Variants in KCTD2 observed in about 807,000 individuals in gnomAD.
KCTD2 encodes the protein BTB/POZ domain-containing protein KCTD2.
KCTD2 carries 18 observed loss-of-function variants against 27.9 expected under a neutral mutation model. The observed-to-expected ratio is 0.64, with a 90% confidence interval of 0.45 to 0.96. The LOEUF is 0.96. Ranked by LOEUF, KCTD2 falls within the 40% of genes least tolerant of loss-of-function variation. The pLI, the probability that KCTD2 is intolerant of heterozygous loss-of-function variation, is 0.00. For missense variants in KCTD2, 280 were observed against 348.0 expected (o/e 0.80, Z 1.56); for synonymous variants, 175 against 148.4 (o/e 1.18, Z -1.30).
chr17:75,036,194 C>T, intron 3 of KCTD2: 1 of 312,416 alleles, frequency 3.2e-6, no homozygotes, highest in South Asian at 2.3e-5. Flanking sequence ...GTTGAGATTA[C>T]AGGCGTGAGC....
At chr17:75,062,699 A>AC (rs1555642380) in intron 5 of KCTD2, among the ~76,000 whole-genome samples, 2 of 115,990 alleles carry the variant, frequency 1.7e-5, no homozygotes, top group Non-Finnish European at 3.7e-5. Flanking sequence ...CCTCACCCCC[A>AC]ACACACACAC....
At chr17:75,040,311 G>T in intron 3 of KCTD2, 1 of 872,064 alleles carries the variant, frequency 1.1e-6, no homozygotes, top group Non-Finnish European at 1.9e-6. Flanking sequence ...GTCCCAAGCG[G>T]AAACGAATAC....
In KCTD2 at chr17:75,047,433, A is replaced by C; in HGVS notation, c.183A>C (p.Pro61=). The stretch of plus-strand genomic sequence containing the variant: ...AGCCGCTGGAGCCGGGTCCCGGACC[A>C]CCCGAGCGGGCAGGGGGCGGCGGCG... The part of the protein sequence containing the change: ...VAQPLEPGPG[P]PERAGGGGAA... Residue 61 remains proline (P), a synonymous_variant, in exon 1 of 6, where the codon CCA becomes CCC. Coordinates refer to ENST00000322444, the MANE Select transcript of KCTD2 (RefSeq NM_015353.3). 1 of 1,435,398 alleles carries C rather than the reference A, an allele frequency of 7.0e-7. No homozygotes were observed. Among genetic ancestry groups the C allele is most frequent in the South Asian group, 1.4e-5 (1 of 70,802 alleles). The allele number at this position is 1,435,398 out of a possible 1,614,324, so 88.9% of individuals were successfully genotyped here. A position where few individuals can be genotyped will look rare whatever the true frequency, so the allele number is the denominator to read the frequency against.
intron 3 of KCTD2, chr17:75,039,315 TC>T (rs757278265): frequency 6.4e-7 from 1 of 1,569,246 alleles, no homozygotes; most frequent in Admixed American, 1.7e-5. Flanking sequence ...CAGGCTGCAT[TC>T]TACCCCAGCA....
At chr17:75,042,100 T>G (rs2073167071) in intron 3 of KCTD2, 2 of 1,223,556 alleles carry the variant, frequency 1.6e-6, no homozygotes, top group East Asian at 4.8e-5. Flanking sequence ...GCTGTCATGC[T>G]GTGTATGTAA....
intron 3 of KCTD2, among the ~76,000 whole-genome samples, chr17:75,058,553 A>G (rs548726955): frequency 6.6e-6 from 1 of 152,086 alleles, no homozygotes; most frequent in South Asian, 2.1e-4. Flanking sequence ...TAATCCCAGC[A>G]CTTTGGGAGA....
chr17:75,062,218 C>T lies in KCTD2; in HGVS notation c.735C>T (p.Ile245=), dbSNP rs1021696258. The T allele has an allele frequency of 2.5e-6, 4 of 1,613,254 alleles. 1 individual carries two copies. Among genetic ancestry groups the T allele is most frequent in the Non-Finnish European group, 8.5e-7 (1 of 1,179,736 alleles). The change falls in exon 5 of 6, where the codon ATC becomes ATT. Residue 245 remains isoleucine (I), a synonymous_variant. Transcript: ENST00000322444. ...AACTAAATAATTCTACCAATGGCAT[C>T]GTCATAGAGCCGAGCGAAAAGGCGA... The part of the protein sequence containing the change: ...SRELNNSTNG[I]VIEPSEKAKI...
rs1419134924 is a variant in KCTD2, at chr17:75,063,636, G to A, written c.*589G>A. ...GAATAGAGCCTCCAAGGAAAGGGAG[G>A]ATGGGGTGTCCTTTGTTGTGGTTGG... On this transcript the variant is annotated 3_prime_UTR_variant, in exon 6 of 6. Coordinates refer to ENST00000322444, the MANE Select transcript of KCTD2 (RefSeq NM_015353.3). The A allele has an allele frequency of 6.5e-6, 1 of 153,248 alleles. No homozygotes were observed. The highest frequency in any genetic ancestry group is 1.5e-5 in the Non-Finnish European group (1 of 68,688). The allele number at this position is 153,248 out of a possible 1,614,324, so 9.5% of individuals were successfully genotyped here. A position where few individuals can be genotyped will look rare whatever the true frequency, so the allele number is the denominator to read the frequency against.
rs2073435861 is a variant in KCTD2 at position 75,064,386 on chromosome 17, G to C, written c.*1339G>C. ...ACAGAGAAAGGGAAGGGGCTCTGGGGACTTCTCCTTCTATGAAAGCCTCCT... is the reference window on the plus strand; with the variant it reads ...ACAGAGAAAGGGAAGGGGCTCTGGGCACTTCTCCTTCTATGAAAGCCTCCT... On this transcript the variant is annotated 3_prime_UTR_variant, in exon 6 of 6. Coordinates refer to ENST00000322444, the MANE Select transcript of KCTD2 (RefSeq NM_015353.3). The C allele has an allele frequency of 6.6e-6, 1 of 152,294 alleles. No individual in the cohort carries two copies. Among genetic ancestry groups the C allele is most frequent in the Admixed American group, 6.5e-5 (1 of 15,286 alleles). 9.4% of individuals were successfully genotyped at this position (152,294 alleles called of 1,614,324 possible). A position where few individuals can be genotyped will look rare whatever the true frequency, so the allele number is the denominator to read the frequency against.
chr17:75,047,654 C>G (rs1274951956), intron 1 of KCTD2, 65 bp downstream of exon 1: 1 of 1,516,040 alleles, frequency 6.6e-7, no homozygotes, highest in South Asian at 1.2e-5. Flanking sequence ...AGATCGGTCC[C>G]CAGAGTCCTG....
At chr17:75,060,412 C>T (rs2073392391) in intron 4 of KCTD2, 1 of 1,578,342 alleles carries the variant, frequency 6.3e-7, no homozygotes, top group African/African-American at 1.4e-5. Context: ...TTAACTGGTT[C>T]ACTTCAATTT....
upstream of KCTD2, among the ~76,000 whole-genome samples, chr17:75,044,157 T>A (rs2073188790): frequency 6.7e-6 from 1 of 149,704 alleles, no homozygotes; most frequent in South Asian, 2.1e-4. Flanking sequence ...CCGGAGTAGC[T>A]GGGATTACAG....
intron 1 of KCTD2, among the ~76,000 whole-genome samples, chr17:75,033,251 A>T (rs2040081004): frequency 6.6e-6 from 1 of 152,152 alleles, no homozygotes. Flanking sequence ...TGCTGGGATT[A>T]CAGGCGTGAG....
chr17:75,051,626 AT>A (rs573655743), intron 2 of KCTD2, among the ~76,000 whole-genome samples: 8 of 145,954 alleles, frequency 5.5e-5, no homozygotes, highest in African/African-American at 1.5e-4. Context: ...TTCATTCTCT[AT>A]TTCCCCCTCC....
intron 1 of KCTD2, chr17:75,048,917 A>G (rs2073257222): frequency 4.3e-6 from 1 of 234,450 alleles, no homozygotes; most frequent in Admixed American, 5.5e-5. Flanking sequence ...AATGTTTGTC[A>G]CTGTAATTAT....
chr17:75,060,651 C>T (rs1455021496), intron 4 of KCTD2: 2 of 1,543,494 alleles, frequency 1.3e-6, no homozygotes, highest in Non-Finnish European at 1.7e-6. Context: ...TGGGCCCGGC[C>T]AGGGAGGGCG....
Position 75,057,146 on chromosome 17 carries a change from G to A in KCTD2, c.541-2364G>A, listed in dbSNP as rs146885302. ...TTTTTGTATTTTTAGTAGAGACAGGGTATCCCCATGTTGGCCACACTGGCC... is the reference window on the plus strand; with the variant it reads ...TTTTTGTATTTTTAGTAGAGACAGGATATCCCCATGTTGGCCACACTGGCC... On this transcript the variant is annotated intron_variant, in intron 3 of 5. Coordinates refer to ENST00000322444, the MANE Select transcript of KCTD2 (RefSeq NM_015353.3). 4.7e-3 allele frequency among the ~76,000 whole-genome samples: 709 copies of A among 151,898 alleles called. 1 individual carries two copies. Among genetic ancestry groups the A allele is most frequent in the Non-Finnish European group, 7.4e-3 (506 of 67,952 alleles).
rs150354933 is a variant in KCTD2, at chr17:75,053,103, C to G, written c.538C>G (p.Gln180Glu). ...RIRDNENRTS[Q>E]GPVKHVYRVL... ...ACGGGACAATGAGAACAGAACTTCA[C>G]AAGTAATGTATTTGGAACTGTTAAG... The change falls in exon 3 of 6, where the codon CAA becomes GAA. Residue 180 changes from glutamine (Q) to glutamate (E), a missense_variant and splice_region_variant. Coordinates refer to ENST00000322444, the MANE Select transcript of KCTD2 (RefSeq NM_015353.3). The G allele has an allele frequency of 1.9e-6, 3 of 1,611,160 alleles. No individual in the cohort carries two copies. The highest frequency in any genetic ancestry group is 2.2e-5 in the South Asian group (2 of 91,000).
Position 75,062,291 on chromosome 17 carries a change from G to GC in KCTD2, c.762+47dup, listed in dbSNP as rs757338851. ...GCAGTTGCCTCTGGCTTGCTTGTTC[G>GC]CACCCCCTCCGTGGGCTTTTCCTGA... is the stretch of plus-strand genomic sequence containing the variant. On this transcript the variant is annotated intron_variant, in intron 5 of 5. Coordinates refer to ENST00000322444, the MANE Select transcript of KCTD2 (RefSeq NM_015353.3). 3 of 1,575,856 alleles carry GC rather than the reference G, an allele frequency of 1.9e-6. No homozygotes were observed. The Admixed American group carries it at 5.7e-5, about 30-fold the overall frequency.
Sources: allele counts gnomAD v4.1 joint callset (sites outside exome capture counted in the v4.1 genomes callset), GRCh38; gene constraint gnomAD v4.1.1; transcripts MANE v1.5; gene names NCBI Gene and HGNC (gene_info 2026-07-23, HGNC 2026-07-21).